Variants in RPTOR observed in about 807,000 individuals in gnomAD.
RPTOR encodes the protein regulatory associated protein of MTOR complex 1.
In RPTOR, 21 loss-of-function variants were observed where a neutral mutation model predicts 169.9. The ratio of observed to expected loss-of-function variants is 0.12; its 90% CI spans 0.09 to 0.18. The LOEUF (loss-of-function observed/expected upper bound fraction) is 0.18. RPTOR is among the 10% of genes least tolerant of loss of function. The probability of loss-of-function intolerance (pLI) is 1.00; values close to 1 mark genes in which losing one functional copy is unlikely to be tolerated. For missense variants in RPTOR, 1,133 were observed against 1,855.9 expected, an observed-to-expected ratio of 0.61 and a Z score of 7.16; for synonymous variants, 732 against 753.2, an observed-to-expected ratio of 0.97 and a Z score of 0.46.
intron 24 of RPTOR, among the ~76,000 whole-genome samples, chr17:80,934,651 G>C (rs148034022): frequency 9.9e-5 from 15 of 152,268 alleles, no homozygotes; most frequent in African/African-American, 3.6e-4. Flanking sequence ...ACTGCATCTA[G>C]CCAAGAAAAT....
Position 80,746,126 on chromosome 17 carries a change from C to T in RPTOR, c.655-7884C>T, listed in dbSNP as rs1444212844. ...GCAGTGAGCTGAGATGGTGCCATTG[C>T]CCTCCAGCCTGGGTGACAAGAGCAA... On this transcript the variant is annotated intron_variant, in intron 5 of 33. Transcript: ENST00000306801. The surrounding 1 kb of genome is among the most constrained non-coding windows in gnomAD (Gnocchi z 4.5). 1.3e-5 allele frequency among the ~76,000 whole-genome samples: 2 copies of T among 151,798 alleles called. No individual in the cohort carries two copies. Among genetic ancestry groups the T allele is most frequent in the African/African-American group, 4.8e-5 (2 of 41,346 alleles).
At chr17:80,725,214 C>T (rs1051418551) in intron 4 of RPTOR, among the ~76,000 whole-genome samples, 3 of 152,198 alleles carry the variant, frequency 2.0e-5, no homozygotes, top group African/African-American at 4.8e-5. Flanking sequence ...TGGGCTCTCC[C>T]GGCCATGGCT....
chr17:80,686,640 A>G (rs2065950338), intron 3 of RPTOR, among the ~76,000 whole-genome samples: 1 of 152,096 alleles, frequency 6.6e-6, no homozygotes, highest in Non-Finnish European at 1.5e-5. Flanking sequence ...TCCATCTCTT[A>G]GAAAGGGCTC....
rs1172509012 is a variant in RPTOR, at chr17:80,845,288, C to T, written c.1213-1185C>T. Among the ~76,000 whole-genome samples, 1 of 152,146 alleles carries T rather than the reference C, an allele frequency of 6.6e-6. No individual in the cohort carries two copies. The highest frequency in any genetic ancestry group is 1.5e-5 in the Non-Finnish European group (1 of 68,020). ...TGGCCCACGGAGAACTCGTGTCACCCCCTCGAGGGGCCCTGATGCCGCCTG... is the reference window on the plus strand; with the variant it reads ...TGGCCCACGGAGAACTCGTGTCACCTCCTCGAGGGGCCCTGATGCCGCCTG... On this transcript the variant is annotated intron_variant, in intron 10 of 33. Coordinates refer to ENST00000306801, the MANE Select transcript of RPTOR (RefSeq NM_020761.3). This position sits in a 1 kb window ranked among gnomAD's most constrained non-coding sequence, Gnocchi z 5.4.
intron 5 of RPTOR, among the ~76,000 whole-genome samples, chr17:80,736,123 A>G (rs1298704964): frequency 6.6e-6 from 1 of 151,912 alleles, no homozygotes; most frequent in East Asian, 1.9e-4. Flanking sequence ...GTGAGCCGTG[A>G]TTGTGCCACT....
At chr17:80,836,017 G>A (rs1193933928) in intron 9 of RPTOR, among the ~76,000 whole-genome samples, 2 of 152,140 alleles carry the variant, frequency 1.3e-5, no homozygotes, top group African/African-American at 4.8e-5. Flanking sequence ...CTGTGAGGGA[G>A]GCATGATCAT....
chr17:80,666,921 C>T (rs1258649961), intron 3 of RPTOR, among the ~76,000 whole-genome samples: 2 of 152,206 alleles, frequency 1.3e-5, no homozygotes, highest in African/African-American at 4.8e-5. Flanking sequence ...TAGGCCACTA[C>T]CGTATCCTCA....
At chr17:80,631,526 G>A (rs574060575) in intron 2 of RPTOR, among the ~76,000 whole-genome samples, 2 of 152,268 alleles carry the variant, frequency 1.3e-5, no homozygotes, top group South Asian at 2.1e-4. Context: ...TTCTCGGAGA[G>A]GACGGGCCTG....
intron 3 of RPTOR, among the ~76,000 whole-genome samples, chr17:80,671,573 A>G (rs891856482): frequency 1.3e-5 from 2 of 152,156 alleles, no homozygotes; most frequent in Non-Finnish European, 2.9e-5. Flanking sequence ...CGGTTGGGGA[A>G]GGGGGTCCAC....
At chr17:80,653,690 C>T (rs964326039) in intron 3 of RPTOR, among the ~76,000 whole-genome samples, 1 of 152,224 alleles carries the variant, frequency 6.6e-6, no homozygotes, top group Admixed American at 6.5e-5. Context: ...CGTGCTGCGG[C>T]CCTGTGGGTC....
At chr17:80,625,582 T>G (rs1160921723) in intron 1 of RPTOR, 109 bp from the exon 2 acceptor site, 20 of 784,246 alleles carry the variant, frequency 2.6e-5, no homozygotes, top group Non-Finnish European at 4.2e-6. Context: ...GGAGGGCAGG[T>G]GGGTAGGGAA....
chr17:80,748,568 C>T (rs1467960187), intron 5 of RPTOR, among the ~76,000 whole-genome samples: 3 of 90,130 alleles, frequency 3.3e-5, no homozygotes, highest in African/African-American at 5.0e-5. Flanking sequence ...GGAGGGGCTG[C>T]GGTGTGTGTT....
chr17:80,892,184 G>T, intron 18 of RPTOR, among the ~76,000 whole-genome samples: 1 of 152,238 alleles, frequency 6.6e-6, no homozygotes, highest in South Asian at 2.1e-4. Context: ...TCTTGGCTCC[G>T]TGGCTCGGTG....
rs1317182352 is a variant in RPTOR at position 80,562,704 on chromosome 17, A to C, written c.162+16913A>C. On this transcript the variant is annotated intron_variant, in intron 1 of 33. Coordinates refer to ENST00000306801, the MANE Select transcript of RPTOR (RefSeq NM_020761.3). This position sits in a 1 kb window ranked among gnomAD's most constrained non-coding sequence, Gnocchi z 4.4. ...GAGGCTGAGGCAGGAGAATCGCTTG[A>C]ACCTGGGAGGCAGAGGTTGCAGTGA... Among the ~76,000 whole-genome samples the C allele has an allele frequency of 3.9e-5, 6 of 152,174 alleles. No homozygotes were observed. The highest frequency in any genetic ancestry group is 1.4e-4 in the African/African-American group (6 of 41,434).
At chr17:80,678,805 C>T (rs185726917) in intron 3 of RPTOR, among the ~76,000 whole-genome samples, 8 of 152,282 alleles carry the variant, frequency 5.3e-5, no homozygotes, top group South Asian at 2.1e-4. Flanking sequence ...GCGATCTTTC[C>T]GGTTCAGTGA....
At chr17:80,788,742 AG>A (rs1199256321) in intron 6 of RPTOR, among the ~76,000 whole-genome samples, 1 of 152,262 alleles carries the variant, frequency 6.6e-6, no homozygotes, top group African/African-American at 2.4e-5. Context: ...TCAGTATAAA[AG>A]ACAGAACAAT....
chr17:80,890,357 G>A (rs1052906953), intron 17 of RPTOR, among the ~76,000 whole-genome samples: 4 of 152,350 alleles, frequency 2.6e-5, no homozygotes, highest in South Asian at 2.1e-4. Flanking sequence ...TCGCTTTGTC[G>A]GAGGCCCCGT....
chr17:80,791,533 G>C lies in RPTOR; in HGVS notation c.890+24G>C, dbSNP rs981267527. On this transcript the variant is annotated intron_variant, in intron 7 of 33. Transcript: ENST00000306801. The stretch of plus-strand genomic sequence containing the variant: ...AAGTAAGTAGGATTTTTAAGCTCTT[G>C]TGGCTCTCTGGATCTGATGAGTTTC... 3 of 1,607,964 alleles carry C rather than the reference G, an allele frequency of 1.9e-6. No homozygotes were observed. The African/African-American group carries it at 4.0e-5, about 22-fold the overall frequency.
In RPTOR at chr17:80,633,774, A is replaced by G. The variant is rs1174389276; in HGVS notation, c.265+7981A>G. ...TCTTCATTTTGAACTCATGGCCTCC[A>G]TTTTCATTCAGTGGATTTAGAATCC... is the stretch of plus-strand genomic sequence containing the variant. On this transcript the variant is annotated intron_variant, in intron 2 of 33. Transcript: ENST00000306801. The surrounding 1 kb of genome is among the most constrained non-coding windows in gnomAD (Gnocchi z 4.1). Among the ~76,000 whole-genome samples, 2 of 151,998 alleles carry G rather than the reference A, an allele frequency of 1.3e-5. No individual in the cohort carries two copies. Among genetic ancestry groups the G allele is most frequent in the African/African-American group, 2.4e-5 (1 of 41,354 alleles).
Sources: gnomAD v4.1 joint callset for allele counts (sites outside exome capture counted in the v4.1 genomes callset) on GRCh38, gnomAD v4.1.1 for gene constraint, Gnocchi (gnomAD v3.1) non-coding constraint, MANE v1.5 for transcripts, NCBI Gene and HGNC (gene_info 2026-07-23, HGNC 2026-07-21) for gene names.